MAGI2: variants seen among roughly 807,000 people sequenced by gnomAD.
The protein encoded by MAGI2 is membrane associated guanylate kinase, WW and PDZ domain containing 2.
MAGI2 carries 35 observed loss-of-function variants against 133.3 expected under a neutral mutation model. The observed-to-expected ratio is 0.26, with a 90% CI of 0.20 to 0.35. MAGI2 has a LOEUF of 0.35. MAGI2 is among the 10% of genes least tolerant of loss of function. The probability of loss-of-function intolerance (pLI) is 1.00; values close to 1 mark genes in which losing one functional copy is unlikely to be tolerated. For synonymous variants in MAGI2, 729 were observed against 710.6 expected (o/e 1.03, Z -0.41); for missense variants, 1,636 against 1,863.4 (o/e 0.88, Z 2.25).
chr7:79,060,040 G>C (rs1383028708), intron 1 of MAGI2, among the ~76,000 whole-genome samples: 1 of 152,016 alleles, frequency 6.6e-6, no homozygotes, highest in Admixed American at 6.6e-5. Flanking sequence ...AGCAGAAGAT[G>C]GTAGTATCAG....
chr7:78,675,855 A>T (rs1386458928), intron 2 of MAGI2, among the ~76,000 whole-genome samples: 1 of 152,260 alleles, frequency 6.6e-6, no homozygotes, highest in Non-Finnish European at 1.5e-5. Flanking sequence ...GCACCTGAGG[A>T]CAGGATTGTA....
intron 1 of MAGI2, among the ~76,000 whole-genome samples, chr7:79,071,736 C>G (rs1814999549): frequency 6.6e-6 from 1 of 151,934 alleles, no homozygotes. Flanking sequence ...CCAGTTCAAA[C>G]TTCCTGGTGG....
At chr7:78,522,529 G>A (rs558685324) in intron 3 of MAGI2, among the ~76,000 whole-genome samples, 6 of 152,098 alleles carry the variant, frequency 3.9e-5, no homozygotes, top group South Asian at 4.2e-4. Flanking sequence ...ACAGGCGTGC[G>A]CCACCAGTTC....
chr7:79,223,089 G>A (rs918723419), intron 1 of MAGI2, among the ~76,000 whole-genome samples: 24 of 151,944 alleles, frequency 1.6e-4, no homozygotes, highest in Non-Finnish European at 1.9e-4. Flanking sequence ...GTTTTATCGT[G>A]TTAGCCAGGA....
At chr7:78,227,942 ATT>A (rs1789572163) in intron 10 of MAGI2, among the ~76,000 whole-genome samples, 1 of 151,576 alleles carries the variant, frequency 6.6e-6, no homozygotes, top group South Asian at 2.1e-4. Flanking sequence ...GACTGGCAAA[ATT>A]TTTCTGTAAA....
At chr7:78,410,743 A>T (rs1216921767) in intron 6 of MAGI2, among the ~76,000 whole-genome samples, 2 of 151,790 alleles carry the variant, frequency 1.3e-5, no homozygotes, top group African/African-American at 4.8e-5. Context: ...TACCTGGGGG[A>T]AAAAAAAGCA....
rs78861423 is a variant in MAGI2, at chr7:78,219,090, A to C, written c.2048-17897T>G. Among the ~76,000 whole-genome samples, 31 of 152,276 alleles carry C rather than the reference A, an allele frequency of 2.0e-4. 1 individual carries two copies. In the East Asian group the frequency reaches 6.0e-3, roughly 29 times the overall value. ...ATTAATGATGACTAATGTTTTACAG[A>C]GGATCGTGGAGAACGTGCCTCGTCT... On this transcript the variant is annotated intron_variant, in intron 10 of 21. Coordinates refer to ENST00000354212, the MANE Select transcript of MAGI2 (RefSeq NM_012301.4).
At chr7:78,074,512 G>GT (rs1196120167) in intron 21 of MAGI2, among the ~76,000 whole-genome samples, 1 of 151,980 alleles carries the variant, frequency 6.6e-6, no homozygotes, top group Admixed American at 6.6e-5. Flanking sequence ...AAAAAAATCG[G>GT]TTTTCCCATG....
rs58941684 is a variant in MAGI2 at position 78,061,161 on chromosome 7, CAAA to C, written c.3706+17783_3706+17785del. ...CCTGGGTGAAAGAGCAAGACTGTCT[CAAA>C]AAAAAAAAAAAAGGTTTTCTTTTTT... On this transcript the variant is annotated intron_variant, in intron 21 of 21. Transcript: ENST00000354212. Among the ~76,000 whole-genome samples the C allele has an allele frequency of 6.1e-3, 592 of 97,664 alleles. 4 individuals are homozygous for C. The highest frequency in any genetic ancestry group is 0.021 in the African/African-American group (569 of 27,748). The allele number at this position is 97,664 out of a possible 152,430, so 64.1% of individuals were successfully genotyped here. A position where few individuals can be genotyped will look rare whatever the true frequency, so the allele number is the denominator to read the frequency against.
At chr7:78,272,296 TGGTCTGAG>T (rs1205730221) in intron 9 of MAGI2, among the ~76,000 whole-genome samples, 1 of 152,232 alleles carries the variant, frequency 6.6e-6, no homozygotes, top group East Asian at 1.9e-4. Context: ...GATTGCACTG[TGGTCTGAG>T]AGACTGTTTA....
chr7:78,323,930 C>CG (rs1554344639), intron 9 of MAGI2, among the ~76,000 whole-genome samples: 1 of 151,984 alleles, frequency 6.6e-6, no homozygotes, highest in Non-Finnish European at 1.5e-5. Context: ...GGGCATATAG[C>CG]AGGGAAATAA....
intron 21 of MAGI2, among the ~76,000 whole-genome samples, chr7:78,042,228 C>T (rs1007409083): frequency 1.3e-5 from 2 of 152,130 alleles, no homozygotes; most frequent in Admixed American, 6.5e-5. Flanking sequence ...TGTTCAGGTG[C>T]CCAGTGGTTG....
intron 3 of MAGI2, among the ~76,000 whole-genome samples, chr7:78,576,824 T>C (rs1186128755): frequency 6.6e-6 from 1 of 152,112 alleles, no homozygotes; most frequent in Non-Finnish European, 1.5e-5. Context: ...ATAGGCTGGG[T>C]GCAGTGGCTC....
At chr7:79,214,958 A>C (rs1043094801) in intron 1 of MAGI2, among the ~76,000 whole-genome samples, 1 of 149,292 alleles carries the variant, frequency 6.7e-6, no homozygotes, top group African/African-American at 2.5e-5. Context: ...TGTTTATATA[A>C]ACTTTATTTT....
At chr7:78,767,808 T>C (rs1425812937) in intron 2 of MAGI2, among the ~76,000 whole-genome samples, 2 of 152,250 alleles carry the variant, frequency 1.3e-5, no homozygotes, top group Admixed American at 1.3e-4. Context: ...GGAAATTTTG[T>C]GTTTTCCAAG....
intron 2 of MAGI2, among the ~76,000 whole-genome samples, chr7:78,722,908 A>C (rs1820401711): frequency 6.6e-6 from 1 of 152,134 alleles, no homozygotes; most frequent in Non-Finnish European, 1.5e-5. Context: ...CATATAGCTT[A>C]ATTATAGAAT....
intron 6 of MAGI2, among the ~76,000 whole-genome samples, chr7:78,453,622 C>T (rs1463620416): frequency 1.3e-5 from 2 of 152,274 alleles, no homozygotes; most frequent in Non-Finnish European, 2.9e-5. Flanking sequence ...ATACCTCCCC[C>T]GCTGACCTCC....
intron 2 of MAGI2, among the ~76,000 whole-genome samples, chr7:78,735,305 C>A (rs727538): frequency 0.026 from 4,025 of 152,142 alleles, 167 homozygotes; most frequent in African/African-American, 0.093. Flanking sequence ...TACAGACAAC[C>A]CTGAAGGACT....
intron 10 of MAGI2, among the ~76,000 whole-genome samples, chr7:78,244,190 AAAAG>A (rs1254049158): frequency 2.0e-5 from 3 of 147,816 alleles, no homozygotes; most frequent in Admixed American, 1.3e-4. Flanking sequence ...AAAAAAAAAA[AAAAG>A]AAAAAGAAAT....
Sources: allele counts gnomAD v4.1 joint callset (sites outside exome capture counted in the v4.1 genomes callset), GRCh38; gene constraint gnomAD v4.1.1; transcripts MANE v1.5; gene names NCBI Gene and HGNC (gene_info 2026-07-23, HGNC 2026-07-21).